The following PLCB4 variants were observed in gnomAD, a reference collection of about 807,000 sequenced individuals.
PLCB4 encodes the protein phospholipase C beta 4.
PLCB4 carries 77 observed loss-of-function variants against 178.8 expected under a neutral mutation model. That is an observed-to-expected ratio of 0.43 (90% CI 0.36 to 0.52). PLCB4 has a LOEUF of 0.52. Among genes scored for constraint, PLCB4 ranks in the 20% least tolerant of loss-of-function variants. The pLI is 0.00. For missense variants in PLCB4, 1,024 were observed against 1,453.4 expected (o/e 0.70, Z 4.80); for synonymous variants, 496 against 490.8 (o/e 1.01, Z -0.14).
intron 3 of PLCB4, among the ~76,000 whole-genome samples, chr20:9,307,546 C>CACAT (rs1568560028): frequency 4.3e-5 from 6 of 140,270 alleles, no homozygotes; most frequent in East Asian, 4.2e-4. Context: ...CACACACACA[C>CACAT]ATCTTGTTAT....
chr20:9,123,419 TC>T lies in PLCB4; in HGVS notation c.-79+27078del, dbSNP rs1275143212. Among the ~76,000 whole-genome samples the T allele has an allele frequency of 5.5e-4, 29 of 52,320 alleles. No homozygotes were observed. The East Asian group carries it at 0.017, about 30-fold the overall frequency. The allele number at this position is 52,320 out of a possible 152,430, so 34.3% of individuals were successfully genotyped here. ...TTTTAAGAAACTCCTGGAAATCTCC[TC>T]TTTTTTTTTTTTTATATATATTTCA... On this transcript the variant is annotated intron_variant, in intron 2 of 39. Coordinates refer to ENST00000378473, the MANE Select transcript of PLCB4 (RefSeq NM_001377142.1).
intron 35 of PLCB4, among the ~76,000 whole-genome samples, chr20:9,462,791 T>C (rs189119981): frequency 3.9e-5 from 6 of 152,292 alleles, no homozygotes; most frequent in East Asian, 1.9e-4. Flanking sequence ...CTGTGTTTGA[T>C]TGGTGTACCC....
At chr20:9,230,403 A>G (rs2147346940) in intron 3 of PLCB4, among the ~76,000 whole-genome samples, 1 of 152,246 alleles carries the variant, frequency 6.6e-6, no homozygotes, top group South Asian at 2.1e-4. Flanking sequence ...TAAAGCAGGA[A>G]CTAAGAACCA....
At chr20:9,127,660 A>G (rs988117643) in intron 2 of PLCB4, among the ~76,000 whole-genome samples, 2 of 151,406 alleles carry the variant, frequency 1.3e-5, no homozygotes, top group African/African-American at 4.9e-5. Flanking sequence ...CTATCTATCT[A>G]TCTATCTATC....
At chr20:9,273,302 C>T (rs1335550388) in intron 3 of PLCB4, among the ~76,000 whole-genome samples, 1 of 152,110 alleles carries the variant, frequency 6.6e-6, no homozygotes. Flanking sequence ...ATATTAACGC[C>T]TTTAATTCTC....
intron 14 of PLCB4, among the ~76,000 whole-genome samples, chr20:9,385,848 G>A (rs566145897): frequency 7.2e-5 from 11 of 152,326 alleles, no homozygotes; most frequent in South Asian, 2.1e-4. Flanking sequence ...CTTCCTAGAC[G>A]GGGTGGCGGC....
intron 3 of PLCB4, among the ~76,000 whole-genome samples, chr20:9,223,325 A>T (rs1462912714): frequency 6.6e-6 from 1 of 152,238 alleles, no homozygotes; most frequent in Non-Finnish European, 1.5e-5. Flanking sequence ...ACCATGATAT[A>T]GTATATACGT....
intron 14 of PLCB4, among the ~76,000 whole-genome samples, chr20:9,385,582 G>A (rs34295289): frequency 0.062 from 9,337 of 150,208 alleles, 325 homozygotes; most frequent in African/African-American, 0.084. Flanking sequence ...CTTCTCAGAC[G>A]GGGCGGCTGG....
chr20:9,409,165 G>T lies in PLCB4; in HGVS notation c.1983G>T (p.Leu661=), dbSNP rs1194335442. The stretch of plus-strand genomic sequence containing the variant: ...ACGCTGGCTGCCAGATGGTTTCACT[G>T]AACTATCAAACCCCAGGTAGGAGCT... ...FWNAGCQMVS[L]NYQTPDLAMQ... The change falls in exon 24 of 40, where the codon CTG becomes CTT. Residue 661 remains leucine, a synonymous_variant. Coordinates refer to ENST00000378473, the MANE Select transcript of PLCB4 (RefSeq NM_001377142.1). The T allele has an allele frequency of 6.2e-7, 1 of 1,602,002 alleles. No homozygotes were observed. Among genetic ancestry groups the T allele is most frequent in the Admixed American group, 1.8e-5 (1 of 55,706 alleles).
At chr20:9,097,415 G>C (rs977497387) in intron 2 of PLCB4, among the ~76,000 whole-genome samples, 1 of 151,890 alleles carries the variant, frequency 6.6e-6, no homozygotes, top group Non-Finnish European at 1.5e-5. Flanking sequence ...CCATGGGGCT[G>C]TCACCCCAAA....
chr20:9,173,192 T>G (rs944558440), intron 2 of PLCB4, among the ~76,000 whole-genome samples: 1 of 152,242 alleles, frequency 6.6e-6, no homozygotes, highest in African/African-American at 2.4e-5. Context: ...CATTGTTTTA[T>G]CCATCCTGTG....
intron 2 of PLCB4, among the ~76,000 whole-genome samples, chr20:9,188,156 A>G (rs1363222754): frequency 6.6e-6 from 1 of 152,250 alleles, no homozygotes; most frequent in Non-Finnish European, 1.5e-5. Context: ...AAAAAATAAA[A>G]TGAAAAGTGT....
At chr20:9,307,491 G>T (rs915248142) in intron 3 of PLCB4, among the ~76,000 whole-genome samples, 2 of 79,050 alleles carry the variant, frequency 2.5e-5, no homozygotes, top group African/African-American at 6.3e-5. Context: ...TTTAAAAAAA[G>T]AATACACACA....
chr20:9,253,351 G>T (rs1303191504), intron 3 of PLCB4, among the ~76,000 whole-genome samples: 1 of 152,136 alleles, frequency 6.6e-6, no homozygotes, highest in Non-Finnish European at 1.5e-5. Flanking sequence ...TTGCCTGTCA[G>T]CAGTTTCCTC....
At chr20:9,226,704 A>C (rs1414420064) in intron 3 of PLCB4, among the ~76,000 whole-genome samples, 2 of 152,180 alleles carry the variant, frequency 1.3e-5, no homozygotes, top group African/African-American at 4.8e-5. Context: ...ACTAATTTCT[A>C]ATGAATTCAC....
chr20:9,185,918 C>G (rs551144110), intron 2 of PLCB4, among the ~76,000 whole-genome samples: 1 of 152,158 alleles, frequency 6.6e-6, no homozygotes, highest in Non-Finnish European at 1.5e-5. Flanking sequence ...TTAACCCCTA[C>G]TCCGTTCTCT....
chr20:9,421,665 A>G (rs1023392525), intron 27 of PLCB4, among the ~76,000 whole-genome samples: 7 of 152,190 alleles, frequency 4.6e-5, no homozygotes, highest in African/African-American at 1.4e-4. Context: ...CCTCCTTGGA[A>G]GAGCCCATCT....
At chr20:9,102,834 T>C (rs2091216508) in intron 2 of PLCB4, among the ~76,000 whole-genome samples, 2 of 152,142 alleles carry the variant, frequency 1.3e-5, no homozygotes, top group Non-Finnish European at 2.9e-5. Flanking sequence ...TGCCATGTTC[T>C]CTGGGGTTTA....
At position 9,372,383 on chromosome 20, in the gene PLCB4, A is replaced by G. The variant is rs2036322301; in HGVS notation, c.666A>G (p.Ile222Met). The G allele has an allele frequency of 1.3e-6, 2 of 1,579,436 alleles. No individual in the cohort carries two copies. The highest frequency in any genetic ancestry group is 1.4e-5 in the African/African-American group (1 of 73,948). Reference protein sequence around the residue: ...LTQKICPRTDIEDLFKKINGD... With the variant: ...LTQKICPRTDMEDLFKKINGD... ...AAAAGATTTGTCCTCGGACAGATATAGAAGATCTTTTCAAAAAAATGTAAG... is the reference window on the plus strand; with the variant it reads ...AAAAGATTTGTCCTCGGACAGATATGGAAGATCTTTTCAAAAAAATGTAAG... Residue 222 changes from isoleucine (I) to methionine (M), a missense_variant, in exon 11 of 40, where the codon ATA becomes ATG. Physicochemically the swap from Ile to Met is conservative, Grantham distance 10. Transcript: ENST00000378473.
Sources: gnomAD v4.1 joint callset for allele counts (sites outside exome capture counted in the v4.1 genomes callset) on GRCh38, gnomAD v4.1.1 for gene constraint, MANE v1.5 for transcripts, NCBI Gene and HGNC (gene_info 2026-07-23, HGNC 2026-07-21) for gene names.